Variants in NEK11 observed in about 807,000 individuals in gnomAD.
NEK11 encodes NIMA related kinase 11, also known as serine/threonine-protein kinase Nek11.
NEK11 carries 72 observed loss-of-function variants against 80.7 expected under a neutral mutation model. The observed-to-expected ratio is 0.89, with a 90% CI of 0.74 to 1.08. The LOEUF is 1.08. Ranked by LOEUF, NEK11 falls within the 50% of genes least tolerant of loss-of-function variation. The probability of loss-of-function intolerance (pLI) is 0.00; values close to 1 mark genes in which losing one functional copy is unlikely to be tolerated. For missense variants in NEK11, 764 were observed against 763.6 expected (o/e 1.00, Z -0.01); for synonymous variants, 251 against 260.7 (o/e 0.96, Z 0.36).
At chr3:131,159,247 A>T (rs2091195902) in intron 10 of NEK11, among the ~76,000 whole-genome samples, 1 of 152,188 alleles carries the variant, frequency 6.6e-6, no homozygotes, top group African/African-American at 2.4e-5. Flanking sequence ...CCTCCAGGTG[A>T]CCACAGTACC....
chr3:131,277,470 T>C (rs1292654341), intron 17 of NEK11, among the ~76,000 whole-genome samples: 1 of 152,210 alleles, frequency 6.6e-6, no homozygotes, highest in African/African-American at 2.4e-5. Context: ...AGGCAAGATC[T>C]AGTTAAGAAA....
intron 17 of NEK11, among the ~76,000 whole-genome samples, chr3:131,317,204 C>A (rs1189879349): frequency 6.6e-6 from 1 of 152,190 alleles, no homozygotes; most frequent in African/African-American, 2.4e-5. Flanking sequence ...ACAGTGTCAG[C>A]AGCACCAGAT....
intron 14 of NEK11, among the ~76,000 whole-genome samples, chr3:131,219,732 A>G (rs2094957842): frequency 6.6e-6 from 1 of 152,154 alleles, no homozygotes; most frequent in South Asian, 2.1e-4. Context: ...ATAAATTTCT[A>G]TTGTTTAAAT....
chr3:131,157,364 TG>T lies in NEK11; in HGVS notation c.962+2244del, dbSNP rs144529250. Among the ~76,000 whole-genome samples, 1,237 of 152,254 alleles carry T rather than the reference TG, an allele frequency of 8.1e-3. 21 individuals carry two copies. The highest frequency in any genetic ancestry group is 0.028 in the African/African-American group (1,170 of 41,544). On this transcript the variant is annotated intron_variant, in intron 10 of 17. Coordinates refer to ENST00000383366, the MANE Select transcript of NEK11 (RefSeq NM_024800.5). ...TGAGGTATCTCACTAGCCTAAACCT[TG>T]TGTTGGCCCTGGGAGTGTGATCATT...
chr3:131,209,372 G>T (rs1238463881), intron 14 of NEK11, among the ~76,000 whole-genome samples: 1 of 152,152 alleles, frequency 6.6e-6, no homozygotes, highest in African/African-American at 2.4e-5. Flanking sequence ...TGCTGGATTT[G>T]GTTTGCCGGT....
At chr3:131,103,773 T>C (rs2078751273) in intron 4 of NEK11, among the ~76,000 whole-genome samples, 1 of 152,216 alleles carries the variant, frequency 6.6e-6, no homozygotes, top group Non-Finnish European at 1.5e-5. Context: ...CTGCGGCCCA[T>C]GAACCCACGT....
At chr3:131,328,615 G>A (rs1406256980) in intron 17 of NEK11, 1 of 152,204 alleles carries the variant, frequency 6.6e-6, no homozygotes, top group Non-Finnish European at 1.5e-5. Context: ...CAGGGAAAGG[G>A]AAACATACTT....
chr3:131,274,480 G>C (rs2096258060), intron 17 of NEK11, among the ~76,000 whole-genome samples: 1 of 151,230 alleles, frequency 6.6e-6, no homozygotes, highest in Non-Finnish European at 1.5e-5. Flanking sequence ...ACCCAGTAGT[G>C]GGATGGCTGG....
intron 4 of NEK11, among the ~76,000 whole-genome samples, chr3:131,108,939 CA>C (rs1399296562): frequency 6.6e-6 from 1 of 151,920 alleles, no homozygotes; most frequent in Non-Finnish European, 1.5e-5. Context: ...TTAGTTTCAC[CA>C]AAAATCATCA....
chr3:131,257,398 C>T (rs2095836453), intron 16 of NEK11, among the ~76,000 whole-genome samples: 1 of 152,050 alleles, frequency 6.6e-6, no homozygotes, highest in African/African-American at 2.4e-5. Flanking sequence ...GGGAGCCAGG[C>T]TCTGTCTCAC....
chr3:131,337,686 G>T (rs1561617021), intron 17 of NEK11, among the ~76,000 whole-genome samples: 2 of 151,868 alleles, frequency 1.3e-5, no homozygotes. Context: ...AATTGTTCCA[G>T]AAGTTAATGT....
At chr3:131,316,235 G>A (rs1444185108) in intron 17 of NEK11, among the ~76,000 whole-genome samples, 1 of 152,098 alleles carries the variant, frequency 6.6e-6, no homozygotes, top group South Asian at 2.1e-4. Flanking sequence ...CAACCTAATT[G>A]CTAATCACTG....
chr3:131,076,726 A>G (rs1368680184), intron 3 of NEK11, among the ~76,000 whole-genome samples: 1 of 152,204 alleles, frequency 6.6e-6, no homozygotes, highest in Admixed American at 6.5e-5. Flanking sequence ...AGACATCCTT[A>G]CCTCAACTTT....
intron 10 of NEK11, among the ~76,000 whole-genome samples, chr3:131,158,196 A>T (rs1296419924): frequency 6.6e-6 from 1 of 152,040 alleles, no homozygotes; most frequent in African/African-American, 2.4e-5. Context: ...TAGCTCCCGT[A>T]CTGCTGAGGA....
At chr3:131,252,913 A>G (rs892029041) in intron 16 of NEK11, among the ~76,000 whole-genome samples, 5 of 152,146 alleles carry the variant, frequency 3.3e-5, no homozygotes, top group South Asian at 2.1e-4. Context: ...ATTTCCAAAA[A>G]TTATAGAGAA....
rs556028625 is a variant in NEK11, at chr3:131,333,189, A to G, written c.1719-16368A>G. Among the ~76,000 whole-genome samples the G allele has an allele frequency of 6.6e-5, 10 of 152,300 alleles. No homozygotes were observed. In the East Asian group the frequency reaches 1.9e-3, roughly 29 times the overall value. On this transcript the variant is annotated intron_variant, in intron 17 of 17. Transcript: ENST00000383366. ...GTCAGATTCACCAAAGTTGAAATGA[A>G]GGAAAAAATGTTAAGGGCAGCCAGA...
At position 131,323,110 on chromosome 3, in the gene NEK11, T is replaced by C. The variant is rs375072128; in HGVS notation, c.1719-26447T>C. Among the ~76,000 whole-genome samples the C allele has an allele frequency of 5.9e-5, 9 of 152,252 alleles. No individual in the cohort carries two copies. The East Asian group carries it at 1.4e-3, about 23-fold the overall frequency. ...GCAGAATAAGGGCCTCTTGCAAATG[T>C]TTTCAAATACGTGGAAGTAGCTAGG... On this transcript the variant is annotated intron_variant, in intron 17 of 17. Coordinates refer to ENST00000383366, the MANE Select transcript of NEK11 (RefSeq NM_024800.5).
chr3:131,299,380 C>T lies in NEK11; in HGVS notation c.1718+25806C>T, dbSNP rs1304048788. On this transcript the variant is annotated intron_variant, in intron 17 of 17. Transcript: ENST00000383366. ...ATCACAGTAACATTTTTAGTAAAGA[C>T]AGGGTTTTACCATGATGTCCAGGCT... Among the ~76,000 whole-genome samples, 3 of 152,028 alleles carry T rather than the reference C, an allele frequency of 2.0e-5. No homozygotes were observed. The South Asian group carries it at 6.2e-4, about 31-fold the overall frequency.
At chr3:131,272,649 T>C (rs2096219048) in intron 16 of NEK11, among the ~76,000 whole-genome samples, 1 of 151,832 alleles carries the variant, frequency 6.6e-6, no homozygotes, top group Non-Finnish European at 1.5e-5. Context: ...CTAATTTTTA[T>C]ATTTTTAGTA....
Sources: gnomAD v4.1 joint callset for allele counts (sites outside exome capture counted in the v4.1 genomes callset) on GRCh38, gnomAD v4.1.1 for gene constraint, MANE v1.5 for transcripts, NCBI Gene and HGNC (gene_info 2026-07-23, HGNC 2026-07-21) for gene names.